HFM1: variants seen among roughly 807,000 people sequenced by gnomAD.
The protein encoded by HFM1 is probable ATP-dependent DNA helicase HFM1.
In HFM1, 169 loss-of-function variants were observed where a neutral mutation model predicts 192.1. The observed-to-expected ratio is 0.88, with a 90% CI of 0.78 to 1.00. HFM1 has a LOEUF of 1.00. Ranked by LOEUF, HFM1 falls within the 50% of genes least tolerant of loss-of-function variation. HFM1 has a pLI of 0.00. For synonymous variants in HFM1, 525 were observed against 537.8 expected (o/e 0.98, Z 0.33); for missense variants, 1,661 against 1,668.0 (o/e 1.00, Z 0.07).
chr1:91,300,191 G>A (rs1271942782), intron 30 of HFM1, among the ~76,000 whole-genome samples: 1 of 152,164 alleles, frequency 6.6e-6, no homozygotes, highest in African/African-American at 2.4e-5. Context: ...TAGAAGAAAT[G>A]GATAAATTTC....
chr1:91,262,646 T>C, intron 36 of HFM1, 54 bp from the exon 37 acceptor site: 1 of 1,003,108 alleles, frequency 1.0e-6, no homozygotes, highest in East Asian at 2.6e-5. Flanking sequence ...AAAACCATTT[T>C]AATTTGGATC....
intron 30 of HFM1, among the ~76,000 whole-genome samples, chr1:91,294,545 A>T (rs1476822454): frequency 6.6e-6 from 1 of 152,224 alleles, no homozygotes; most frequent in East Asian, 1.9e-4. Flanking sequence ...TTTTATTGGA[A>T]TACACCCATG....
At chr1:91,399,093 A>C (rs776591523) in intron 2 of HFM1, among the ~76,000 whole-genome samples, 3 of 152,138 alleles carry the variant, frequency 2.0e-5, no homozygotes, top group Non-Finnish European at 2.9e-5. Context: ...TTCATTCATT[A>C]ATCCATTCAG....
chr1:91,382,383 C>T (rs1196154926), intron 6 of HFM1, among the ~76,000 whole-genome samples: 1 of 152,146 alleles, frequency 6.6e-6, no homozygotes, highest in African/African-American at 2.4e-5. Flanking sequence ...CCTCCCCACC[C>T]TCATCCCAAG....
chr1:91,317,240 C>A (rs376854818), intron 25 of HFM1, among the ~76,000 whole-genome samples: 2 of 152,112 alleles, frequency 1.3e-5, no homozygotes, highest in African/African-American at 4.8e-5. Context: ...CATGGAGAAA[C>A]CCCGTCTCTA....
chr1:91,381,536 T>C (rs1288022127), intron 6 of HFM1, among the ~76,000 whole-genome samples: 3 of 152,182 alleles, frequency 2.0e-5, no homozygotes, highest in Non-Finnish European at 4.4e-5. Flanking sequence ...ACTTAAATCA[T>C]CCTTCCCCTG....
At position 91,350,954 on chromosome 1, in the gene HFM1, C is replaced by T. The variant is rs1280301800; in HGVS notation, c.2073-83G>A. Reference sequence around the variant, plus strand: ...TTTAACTTTAATAATATAGAATATACCCATTGCTACTTTACTAATTCATGA... The same window carrying T: ...TTTAACTTTAATAATATAGAATATATCCATTGCTACTTTACTAATTCATGA... On this transcript the variant is annotated intron_variant, in intron 17 of 38. Coordinates refer to ENST00000370425, the MANE Select transcript of HFM1 (RefSeq NM_001017975.6). 3.9e-6 allele frequency: 4 copies of T among 1,014,732 alleles called. No individual in the cohort carries two copies. The East Asian group carries it at 8.1e-5, about 21-fold the overall frequency. 62.9% of individuals were successfully genotyped at this position (1,014,732 alleles called of 1,614,324 possible).
chr1:91,331,897 AAAAC>A (rs1239697047), intron 20 of HFM1, among the ~76,000 whole-genome samples: 5 of 152,324 alleles, frequency 3.3e-5, no homozygotes, highest in East Asian at 3.9e-4. Flanking sequence ...CTCCATCTCA[AAAAC>A]AAACAAACAA....
rs1049480061 is a variant in HFM1 at position 91,379,640 on chromosome 1, T to C, written c.1007-426A>G. Among the ~76,000 whole-genome samples, 8 of 147,826 alleles carry C rather than the reference T, an allele frequency of 5.4e-5. No homozygotes were observed. In the Admixed American group the frequency reaches 5.5e-4, roughly 10 times the overall value. On this transcript the variant is annotated intron_variant, in intron 8 of 38. Coordinates refer to ENST00000370425, the MANE Select transcript of HFM1 (RefSeq NM_001017975.6). ...GGTAATAGCCAAAAAGAACTAAAAA[T>C]AGAAATAGAAATGATTTCTCAGGCA...
At chr1:91,307,909 G>A (rs1649879570) in intron 30 of HFM1, among the ~76,000 whole-genome samples, 1 of 151,956 alleles carries the variant, frequency 6.6e-6, no homozygotes. Flanking sequence ...CAGAAACCTA[G>A]GTTGGTAGCA....
chr1:91,289,270 C>T (rs1395645015), intron 30 of HFM1, among the ~76,000 whole-genome samples: 6 of 151,644 alleles, frequency 4.0e-5, no homozygotes, highest in Non-Finnish European at 5.9e-5. Flanking sequence ...GACGGGGCGG[C>T]GGGGCAGAGG....
intron 30 of HFM1, among the ~76,000 whole-genome samples, chr1:91,293,965 C>T (rs1317207619): frequency 8.8e-5 from 13 of 148,384 alleles, no homozygotes; most frequent in East Asian, 8.0e-4. Context: ...AACCAAACAC[C>T]GCATATTCTC....
At chr1:91,359,284 A>C (rs754400460) in intron 13 of HFM1, among the ~76,000 whole-genome samples, 40 of 152,290 alleles carry the variant, frequency 2.6e-4, no homozygotes, top group South Asian at 6.2e-4. Flanking sequence ...AGGCTACAGA[A>C]GGTGGGTAAT....
At chr1:91,326,728 C>T (rs1301015133) in intron 20 of HFM1, among the ~76,000 whole-genome samples, 1 of 152,122 alleles carries the variant, frequency 6.6e-6, no homozygotes, top group African/African-American at 2.4e-5. Context: ...AATATTATAA[C>T]ACTGTAATTG....
At chr1:91,276,867 T>G (rs542021499) in intron 31 of HFM1, 115 bp downstream of exon 31, 1 of 795,998 alleles carries the variant, frequency 1.3e-6, no homozygotes, top group South Asian at 1.9e-5. Flanking sequence ...GAGAAAATTA[T>G]TTGCATTATT....
chr1:91,349,937 T>C (rs1378972441), intron 18 of HFM1, among the ~76,000 whole-genome samples: 1 of 152,198 alleles, frequency 6.6e-6, no homozygotes, highest in African/African-American at 2.4e-5. Flanking sequence ...ACAAAAAAGA[T>C]ATACCAATGA....
At chr1:91,264,408 T>C (rs1251098656) in intron 36 of HFM1, among the ~76,000 whole-genome samples, 2 of 118,286 alleles carry the variant, frequency 1.7e-5, no homozygotes, top group African/African-American at 3.4e-5. Context: ...AGTCTCGCTC[T>C]GTGGCCCAGG....
At chr1:91,381,662 T>C (rs1449181031) in intron 6 of HFM1, among the ~76,000 whole-genome samples, 2 of 152,176 alleles carry the variant, frequency 1.3e-5, no homozygotes, top group Admixed American at 6.5e-5. Flanking sequence ...TCTTACAATA[T>C]ATCAACTACA....
Position 91,343,419 on chromosome 1 carries a change from T to A in HFM1, c.2335+11A>T, listed in dbSNP as rs534262839. 3.9e-6 allele frequency: 5 copies of A among 1,278,304 alleles called. No homozygotes were observed. In the East Asian group the frequency reaches 1.2e-4, roughly 31 times the overall value. The allele number at this position is 1,278,304 out of a possible 1,614,324, so 79.2% of individuals were successfully genotyped here. A position where few individuals can be genotyped will look rare whatever the true frequency, so the allele number is the denominator to read the frequency against. On this transcript the variant is annotated intron_variant, in intron 20 of 38. Coordinates refer to ENST00000370425, the MANE Select transcript of HFM1 (RefSeq NM_001017975.6). ...CAATTGCTAAATTTACTGACAATGA[T>A]AAGAAATTACCAGTTGGTTTGAAAT...
Sources: gnomAD v4.1 joint callset for allele counts (sites outside exome capture counted in the v4.1 genomes callset) on GRCh38, gnomAD v4.1.1 for gene constraint, MANE v1.5 for transcripts, NCBI Gene and HGNC (gene_info 2026-07-23, HGNC 2026-07-21) for gene names.